The following SLC4A4 variants were observed in gnomAD, a reference collection of about 807,000 sequenced individuals.
SLC4A4 encodes the protein electrogenic sodium bicarbonate cotransporter 1.
SLC4A4 carries 27 observed loss-of-function variants against 111.5 expected under a neutral mutation model. The ratio of observed to expected loss-of-function variants is 0.24; its 90% CI spans 0.18 to 0.33. SLC4A4 has a LOEUF of 0.33. SLC4A4 is among the 10% of genes least tolerant of loss of function. The probability of loss-of-function intolerance (pLI) is 1.00; values close to 1 mark genes in which losing one functional copy is unlikely to be tolerated. For synonymous variants in SLC4A4, 443 were observed against 463.4 expected, an observed-to-expected ratio of 0.96 and a Z score of 0.57; for missense variants, 909 against 1,315.5, an observed-to-expected ratio of 0.69 and a Z score of 4.78.
intron 23 of SLC4A4, among the ~76,000 whole-genome samples, chr4:71,563,514 GA>G (rs2149256767): frequency 6.6e-6 from 1 of 151,920 alleles, no homozygotes; most frequent in African/African-American, 2.4e-5. Flanking sequence ...TGCTGATTGG[GA>G]GTCTGATAGA....
intron 2 of SLC4A4, among the ~76,000 whole-genome samples, chr4:71,250,792 T>C (rs2149055276): frequency 6.6e-6 from 1 of 152,280 alleles, no homozygotes; most frequent in East Asian, 1.9e-4. Context: ...ACCATCAAAG[T>C]AGTGATGAAG....
At chr4:71,202,772 A>G (rs1746316231) in intron 1 of SLC4A4, among the ~76,000 whole-genome samples, 1 of 152,190 alleles carries the variant, frequency 6.6e-6, no homozygotes, top group Non-Finnish European at 1.5e-5. Context: ...CTACATATTT[A>G]TTATATGATG....
chr4:71,339,166 A>T, intron 3 of SLC4A4: 2 of 1,613,630 alleles, frequency 1.2e-6, no homozygotes, highest in Non-Finnish European at 1.7e-6. Flanking sequence ...GAACCAAGAT[A>T]CAGTTCAGAA....
intron 2 of SLC4A4, among the ~76,000 whole-genome samples, chr4:71,151,848 G>T (rs1470083185): frequency 1.3e-5 from 2 of 151,660 alleles, no homozygotes; most frequent in Non-Finnish European, 2.9e-5. Context: ...ATCACTTGAG[G>T]TCAGGAGATT....
intron 15 of SLC4A4, 61 bp from the exon 16 acceptor site, chr4:71,497,440 C>A: frequency 1.4e-6 from 2 of 1,396,714 alleles, no homozygotes; most frequent in Non-Finnish European, 2.0e-6. Context: ...CATCAAGTAT[C>A]AAAGGCTGCT....
chr4:71,067,576 C>T (rs754416884), intron 1 of SLC4A4, among the ~76,000 whole-genome samples: 21 of 152,110 alleles, frequency 1.4e-4, no homozygotes, highest in Non-Finnish European at 1.5e-5. Context: ...TGTGACTTTG[C>T]ATTTGTACTA....
chr4:71,368,572 T>A (rs150641497), intron 6 of SLC4A4, among the ~76,000 whole-genome samples: 80 of 152,306 alleles, frequency 5.3e-4, no homozygotes, highest in African/African-American at 1.9e-3. Context: ...ACCTATCTAT[T>A]GAGTAGGTCA....
At chr4:71,316,354 G>A (rs1267328243) in intron 3 of SLC4A4, among the ~76,000 whole-genome samples, 1 of 152,100 alleles carries the variant, frequency 6.6e-6, no homozygotes, top group Non-Finnish European at 1.5e-5. Context: ...CTATCTGCAA[G>A]CATTTGTAAT....
At chr4:71,546,732 A>G (rs750512177) in intron 19 of SLC4A4, among the ~76,000 whole-genome samples, 8 of 151,918 alleles carry the variant, frequency 5.3e-5, no homozygotes, top group Non-Finnish European at 1.2e-4. Context: ...TATCATTTTC[A>G]TGGATTTCCA....
chr4:71,103,074 A>T (rs960450860), intron 2 of SLC4A4, among the ~76,000 whole-genome samples: 12 of 151,812 alleles, frequency 7.9e-5, no homozygotes, highest in African/African-American at 2.9e-4. Context: ...GGTTGGAGGA[A>T]GATCTACCAA....
At chr4:71,065,970 C>T (rs1358204538) in intron 1 of SLC4A4, among the ~76,000 whole-genome samples, 2 of 151,916 alleles carry the variant, frequency 1.3e-5, no homozygotes, top group Admixed American at 1.3e-4. Context: ...TTGTATATGC[C>T]TTCCATTATA....
Position 71,376,154 on chromosome 4 carries a change from T to C in SLC4A4, c.730+18967T>C, listed in dbSNP as rs1408877461. On this transcript the variant is annotated intron_variant, in intron 6 of 25. Transcript: ENST00000264485. ...ATACATACACATATATACCTGTATA[T>C]ATACACACACACACACACACACACA... Among the ~76,000 whole-genome samples the C allele has an allele frequency of 2.9e-4, 16 of 55,062 alleles. 1 individual carries two copies. Among genetic ancestry groups the C allele is most frequent in the South Asian group, 2.7e-3 (5 of 1,856 alleles). The allele number at this position is 55,062 out of a possible 152,430, so 36.1% of individuals were successfully genotyped here.
chr4:71,096,009 A>C (rs1222858379), intron 2 of SLC4A4, among the ~76,000 whole-genome samples: 3 of 152,126 alleles, frequency 2.0e-5, no homozygotes, highest in African/African-American at 7.2e-5. Flanking sequence ...GAAGGGTAAA[A>C]TGGAAGGCCT....
At chr4:71,328,774 C>G (rs1247749356) in intron 3 of SLC4A4, among the ~76,000 whole-genome samples, 2 of 152,018 alleles carry the variant, frequency 1.3e-5, no homozygotes, top group African/African-American at 4.8e-5. Flanking sequence ...TTGGTTGTCT[C>G]TTCACTTTGT....
intron 3 of SLC4A4, among the ~76,000 whole-genome samples, chr4:71,322,330 C>G (rs117239553): frequency 6.6e-6 from 1 of 151,878 alleles, no homozygotes; most frequent in African/African-American, 2.4e-5. Flanking sequence ...CTTTAAGGTT[C>G]GGTGCCTCTA....
At chr4:71,445,580 TG>T (rs1180001324) in intron 8 of SLC4A4, among the ~76,000 whole-genome samples, 5 of 152,134 alleles carry the variant, frequency 3.3e-5, no homozygotes, top group African/African-American at 1.2e-4. Context: ...TATTTAAAAA[TG>T]TACTAAGGAT....
chr4:71,222,393 C>T (rs1718800267), intron 1 of SLC4A4, among the ~76,000 whole-genome samples: 1 of 152,194 alleles, frequency 6.6e-6, no homozygotes, highest in South Asian at 2.1e-4. Flanking sequence ...TAAAACTGCA[C>T]CACTACCCAG....
Position 71,105,503 on chromosome 4 carries a change from A to G in SLC4A4, c.-2+12711A>G, listed in dbSNP as rs1424870642. On this transcript the variant is annotated intron_variant, in intron 2 of 26. Transcript: ENST00000649996. ...AAAAGAACGAAGCTGGAGGCATCAC[A>G]CTACCTGACTTGAAACTATACTACA... is the stretch of plus-strand genomic sequence containing the variant. 5.9e-3 allele frequency among the ~76,000 whole-genome samples: 881 copies of G among 150,228 alleles called. 8 individuals carry two copies. Among genetic ancestry groups the G allele is most frequent in the East Asian group, 0.022 (109 of 4,936 alleles).
upstream of SLC4A4, among the ~76,000 whole-genome samples, chr4:71,184,394 G>A (rs907445864): frequency 1.3e-5 from 2 of 152,062 alleles, no homozygotes; most frequent in Non-Finnish European, 2.9e-5. Flanking sequence ...CCACTAGATG[G>A]TGCTTGTCAT....
Sources: gnomAD v4.1 joint callset for allele counts (sites outside exome capture counted in the v4.1 genomes callset) on GRCh38, gnomAD v4.1.1 for gene constraint, MANE v1.5 for transcripts, NCBI Gene and HGNC (gene_info 2026-07-23, HGNC 2026-07-21) for gene names.